Variants in MVD observed in about 807,000 individuals in gnomAD.
MVD encodes the protein diphosphomevalonate decarboxylase.
A neutral mutation model predicts 42.4 loss-of-function variants in MVD; 52 were observed. The observed-to-expected ratio is 1.23, with a 90% CI of 0.98 to 1.55. The LOEUF is 1.55. Ranked by LOEUF, MVD falls within the 40% of genes most tolerant of loss-of-function variation. The pLI is 0.00. For missense variants in MVD, 663 were observed against 572.1 expected (o/e 1.16, Z -1.62); for synonymous variants, 287 against 243.2 (o/e 1.18, Z -1.68).
chr16:88,661,150 A>G (rs1908266675), intron 1 of MVD, among the ~76,000 whole-genome samples: 1 of 152,144 alleles, frequency 6.6e-6, no homozygotes, highest in Non-Finnish European at 1.5e-5. Context: ...CTAACTGGAC[A>G]ACCTTGGATC....
intron 4 of MVD, chr16:88,657,101 C>T (rs771295982): frequency 2.3e-5 from 11 of 475,656 alleles, no homozygotes; most frequent in Middle Eastern, 4.3e-4. Flanking sequence ...CATACAGCAA[C>T]GGGAAGATTT....
intron 4 of MVD, 86 bp downstream of exon 4, chr16:88,657,350 G>A: frequency 1.3e-6 from 2 of 1,510,910 alleles, no homozygotes; most frequent in Non-Finnish European, 8.9e-7. Flanking sequence ...GCCACGCCCA[G>A]CAGTGGGCTC....
intron 4 of MVD, 67 bp downstream of exon 4, chr16:88,657,369 G>T: frequency 6.5e-7 from 1 of 1,531,072 alleles, no homozygotes; most frequent in East Asian, 2.5e-5. Flanking sequence ...TCCCTGACCC[G>T]GGAAGAGCAT....
chr16:88,655,784 G>C, intron 5 of MVD, 54 bp from the exon 6 acceptor site: 3 of 1,536,088 alleles, frequency 2.0e-6, no homozygotes, highest in Non-Finnish European at 2.6e-6. Context: ...CAGCCCCAAG[G>C]ACCTCAGCCT....
At chr16:88,658,518 A>G (rs548161005) in intron 2 of MVD, 132 bp downstream of exon 2, 35 of 856,448 alleles carry the variant, frequency 4.1e-5, no homozygotes, top group African/African-American at 3.1e-4. Context: ...GTGGTCTCCA[A>G]TGCCTGGGCT....
At chr16:88,662,643 G>C (rs1908379819) in intron 1 of MVD, 18 of 1,242,088 alleles carry the variant, frequency 1.4e-5, no homozygotes, top group Middle Eastern at 2.1e-4. Context: ...CCGGGCTCTG[G>C]CCATCCTCCC....
At chr16:88,660,683 A>C (rs1488208260) in intron 1 of MVD, 1 of 149,774 alleles carries the variant, frequency 6.7e-6, no homozygotes, top group South Asian at 2.1e-4. Context: ...TAAATATAAA[A>C]ATATAAATAT....
intron 4 of MVD, 178 bp from the exon 5 acceptor site, chr16:88,656,482 C>T (rs973467899): frequency 3.0e-6 from 2 of 663,356 alleles, no homozygotes; most frequent in Non-Finnish European, 5.2e-6. Flanking sequence ...TGTCCCCCAC[C>T]TCCGCTAGTT....
At chr16:88,658,846 A>G (rs971882933) in intron 1 of MVD, 126 bp from the exon 2 acceptor site, 11 of 652,564 alleles carry the variant, frequency 1.7e-5, no homozygotes, top group Non-Finnish European at 2.6e-5. Flanking sequence ...TCACCGCACA[A>G]CCTGTGTGCC....
Position 88,657,658 on chromosome 16 carries a change from G to C in MVD, c.257-76C>G, listed in dbSNP as rs549047377. 2.3e-4 allele frequency: 367 copies of C among 1,569,608 alleles called. 1 individual carries two copies. The African/African-American group carries it at 4.2e-3, about 18-fold the overall frequency. On this transcript the variant is annotated intron_variant, in intron 3 of 9. Transcript: ENST00000301012. ...CCCTGCTCCTGCCCACCTGCCCGGG[G>C]TCACAGCTGAACACCAGGCCTCTGC...
intron 7 of MVD, 101 bp from the exon 8 acceptor site, chr16:88,654,908 A>T: frequency 8.4e-7 from 1 of 1,187,336 alleles, no homozygotes. Flanking sequence ...CCAAGAGCTC[A>T]GTCTAGGCCC....
intron 1 of MVD, chr16:88,662,219 G>A (rs1356348159): frequency 6.6e-6 from 1 of 152,348 alleles, no homozygotes; most frequent in African/African-American, 2.4e-5. Flanking sequence ...TTTGCGGGGT[G>A]AGGCCTTGGC....
Position 88,657,448 on chromosome 16 carries a change from A to T in MVD, c.391T>A (p.Tyr131Asn). 1 of 1,606,876 alleles carries T rather than the reference A, an allele frequency of 6.2e-7. No individual in the cohort carries two copies. Among genetic ancestry groups the T allele is most frequent in the Non-Finnish European group, 8.5e-7 (1 of 1,177,444 alleles). Reference sequence around the variant, plus strand: ...TGTGGGCACCCACCTAGGCAGGCATAGCCCGCCGCTGAGGAGGCCAGGCCC... The same window carrying T: ...TGTGGGCACCCACCTAGGCAGGCATTGCCCGCCGCTGAGGAGGCCAGGCCC... ...AAGLASSAAG[Y>N]ACLAYTLARV... Residue 131 changes from tyrosine (Y) to asparagine (N), a missense_variant, in exon 4 of 10, where the codon TAT becomes AAT. Physicochemically the swap from Tyr to Asn is moderately radical, Grantham distance 143. Coordinates refer to ENST00000301012, the MANE Select transcript of MVD (RefSeq NM_002461.3).
intron 3 of MVD, 40 bp downstream of exon 3, chr16:88,657,875 G>A (rs1276631622): frequency 6.3e-7 from 1 of 1,588,274 alleles, no homozygotes; most frequent in African/African-American, 1.3e-5. Context: ...GGACCCTGCT[G>A]ACAACAGGGA....
Position 88,663,036 on chromosome 16 carries a change from C to T in MVD, c.45G>A (p.Pro15=), listed in dbSNP as rs1186284745. 3.1e-6 allele frequency: 5 copies of T among 1,609,584 alleles called. No homozygotes were observed. The highest frequency in any genetic ancestry group is 1.1e-5 in the South Asian group (1 of 90,528). ...AGTACTTGATGACCGCGATGTTGAC[C>T]GGCGCTGTACAAGTGACTGCCGCCA... is the stretch of plus-strand genomic sequence containing the variant. ...KPLAAVTCTA[P]VNIAVIKYWG... Residue 15 remains proline (P), a synonymous_variant, in exon 1 of 10, where the codon CCG becomes CCA. Coordinates refer to ENST00000301012, the MANE Select transcript of MVD (RefSeq NM_002461.3).
At chr16:88,658,521 C>A (rs1473092679) in intron 2 of MVD, 129 bp downstream of exon 2, 9 of 881,604 alleles carry the variant, frequency 1.0e-5, no homozygotes. Flanking sequence ...GTCTCCAATG[C>A]CTGGGCTCAA....
Position 88,663,040 on chromosome 16 carries a change from G to C in MVD, c.41C>G (p.Ala14Gly). Residue 14 changes from alanine to glycine, a missense_variant, in exon 1 of 10, where the codon GCG becomes GGG. Physicochemically the swap from Ala to Gly is moderately conservative, Grantham distance 60 (BLOSUM62 0). Coordinates refer to ENST00000301012, the MANE Select transcript of MVD (RefSeq NM_002461.3). ...CTTGATGACCGCGATGTTGACCGGC[G>C]CTGTACAAGTGACTGCCGCCAGCGG... ...EKPLAAVTCT[A>G]PVNIAVIKYW... 6.2e-7 allele frequency: 1 copy of C among 1,609,968 alleles called. No homozygotes were observed. The highest frequency in any genetic ancestry group is 1.1e-5 in the South Asian group (1 of 90,590).
At position 88,652,269 on chromosome 16, in the gene MVD, T is replaced by A; in HGVS notation, c.*256A>T. ...CCCTGCTGCACCGAGGCTCTGCCAG[T>A]TCTCATACCCCCTCCCCATCCCATC... On this transcript the variant is annotated 3_prime_UTR_variant, in exon 10 of 10. Transcript: ENST00000301012. The A allele has an allele frequency of 1.7e-6, 1 of 585,662 alleles. No individual in the cohort carries two copies. Among genetic ancestry groups the A allele is most frequent in the East Asian group, 2.9e-5 (1 of 34,924 alleles). 36.3% of individuals were successfully genotyped at this position (585,662 alleles called of 1,614,324 possible).
At chr16:88,662,731 T>G in intron 1 of MVD, 1 of 1,451,286 alleles carries the variant, frequency 6.9e-7, no homozygotes, top group Non-Finnish European at 9.1e-7. Flanking sequence ...GAATCGATGA[T>G]TGATGATTTC....
Sources: allele counts gnomAD v4.1 joint callset (sites outside exome capture counted in the v4.1 genomes callset), GRCh38; gene constraint gnomAD v4.1.1; transcripts MANE v1.5; gene names NCBI Gene and HGNC (gene_info 2026-07-23, HGNC 2026-07-21).